The following GATB variants were observed in gnomAD, a reference collection of about 807,000 sequenced individuals.
GATB encodes the protein glutamyl-tRNA amidotransferase subunit B, also known as glutamyl-tRNA(Gln) amidotransferase subunit B, mitochondrial.
A neutral mutation model predicts 62.3 loss-of-function variants in GATB; 39 were observed. The ratio of observed to expected loss-of-function variants is 0.63; its 90% CI spans 0.48 to 0.82. The LOEUF is 0.82. Ranked by LOEUF, GATB falls within the 40% of genes least tolerant of loss-of-function variation. GATB has a pLI of 0.00. For synonymous variants in GATB, 276 were observed against 258.9 expected (o/e 1.07, Z -0.63); for missense variants, 670 against 684.0 (o/e 0.98, Z 0.23).
At chr4:151,715,936 A>C in intron 5 of GATB, 73 bp downstream of exon 5, 1 of 1,512,438 alleles carries the variant, frequency 6.6e-7, no homozygotes, top group Non-Finnish European at 8.9e-7. Flanking sequence ...ACAGAAAATA[A>C]AACTAAAGTC....
intron 2 of GATB, among the ~76,000 whole-genome samples, chr4:151,735,235 G>GAAAAAAAAAA (rs530781519): frequency 2.0e-5 from 2 of 98,828 alleles, no homozygotes; most frequent in African/African-American, 6.7e-5. Context: ...AAATCAGTAA[G>GAAAAAAAAAA]AAAAAAAAAA....
chr4:151,688,678 T>A lies in GATB; in HGVS notation c.1283A>T (p.Asn428Ile), dbSNP rs371343864. ...TTGCTTTAAATAGCCCAGAAAAGTG[T>A]TGAGGACCCAACTAGTCACCTTTTT... ...EPKKVTSWVL[N>I]TFLGYLKQQN... Residue 428 changes from asparagine to isoleucine, a missense_variant, in exon 10 of 13, where the codon AAC becomes ATC. Asn to Ile is a moderately radical substitution (Grantham distance 149, BLOSUM62 -3). Coordinates refer to ENST00000263985, the MANE Select transcript of GATB (RefSeq NM_004564.3). 4 of 1,613,346 alleles carry A rather than the reference T, an allele frequency of 2.5e-6. No homozygotes were observed. The South Asian group carries it at 3.3e-5, about 13-fold the overall frequency.
intron 12 of GATB, among the ~76,000 whole-genome samples, chr4:151,672,084 C>T (rs772943981): frequency 6.6e-6 from 1 of 152,130 alleles, no homozygotes; most frequent in Admixed American, 6.5e-5. Context: ...TGAGTGTCCC[C>T]GGCAAGCTGA....
intron 9 of GATB, among the ~76,000 whole-genome samples, chr4:151,694,604 G>A (rs940049286): frequency 1.2e-4 from 18 of 152,166 alleles, no homozygotes; most frequent in Non-Finnish European, 4.4e-5. Flanking sequence ...AAAATTGCAC[G>A]GAGCTGAAAT....
intron 2 of GATB, among the ~76,000 whole-genome samples, chr4:151,737,731 C>T (rs573645842): frequency 2.8e-4 from 42 of 152,290 alleles, no homozygotes; most frequent in African/African-American, 9.9e-4. Context: ...ACTTGGTGCC[C>T]TGCATCCCAG....
At chr4:151,723,188 C>T (rs745814796) in intron 2 of GATB, 29 of 152,124 alleles carry the variant, frequency 1.9e-4, no homozygotes, top group East Asian at 1.2e-3. Context: ...GGGTCAGCAG[C>T]GAGTATTTAT....
rs752505071 is a variant in GATB at position 151,672,763 on chromosome 4, A to G, written c.1544T>C (p.Val515Ala). Residue 515 changes from valine (V) to alanine (A), a missense_variant and splice_region_variant, in exon 12 of 13, where the codon GTG becomes GCG. By Grantham distance (64) the Val-to-Ala change is moderately conservative. Transcript: ENST00000263985. ...CHSVMEAHPQVVMDVKNRNPR... is the reference protein window; with the variant it reads ...CHSVMEAHPQAVMDVKNRNPR... Reference sequence around the variant, plus strand: ...CTCTCCCCTGCCCGAGATAGTCACCACTTGAGGATGGGCCTCCATCACAGA... The same window carrying G: ...CTCTCCCCTGCCCGAGATAGTCACCGCTTGAGGATGGGCCTCCATCACAGA... 6.2e-7 allele frequency: 1 copy of G among 1,613,952 alleles called. No individual in the cohort carries two copies. The highest frequency in any genetic ancestry group is 1.1e-5 in the South Asian group (1 of 91,042).
At chr4:151,720,163 G>T (rs1022701034) in intron 2 of GATB, 7 of 152,410 alleles carry the variant, frequency 4.6e-5, no homozygotes, top group Admixed American at 2.6e-4. Context: ...TGGTGCTCCA[G>T]TTCCCTCTGG....
Position 151,711,225 on chromosome 4 carries a change from T to A in GATB, c.764-3124A>T, listed in dbSNP as rs570789588. Among the ~76,000 whole-genome samples, 3 of 152,360 alleles carry A rather than the reference T, an allele frequency of 2.0e-5. No individual in the cohort carries two copies. In the South Asian group the frequency reaches 6.2e-4, roughly 32 times the overall value. On this transcript the variant is annotated intron_variant, in intron 5 of 12. Coordinates refer to ENST00000263985, the MANE Select transcript of GATB (RefSeq NM_004564.3). ...GCTTCTTAACTGGTCTCCTGGCTTC[T>A]ACTCTTACCCATCGGAAATCCACTT...
At chr4:151,697,528 T>C (rs1578906935) in intron 9 of GATB, among the ~76,000 whole-genome samples, 2 of 152,026 alleles carry the variant, frequency 1.3e-5, no homozygotes, top group South Asian at 2.1e-4. Context: ...TGTATATGAT[T>C]TGGGTGACGG....
At chr4:151,672,058 G>A (rs1435990901) in intron 12 of GATB, among the ~76,000 whole-genome samples, 1 of 152,202 alleles carries the variant, frequency 6.6e-6, no homozygotes, top group African/African-American at 2.4e-5. Flanking sequence ...CTTATCGAGA[G>A]CTCTTTACAG....
intron 9 of GATB, among the ~76,000 whole-genome samples, chr4:151,690,136 T>C (rs572966889): frequency 1.3e-5 from 2 of 152,328 alleles, no homozygotes; most frequent in African/African-American, 2.4e-5. Context: ...AAAAATGAGA[T>C]ACTGGAAAGA....
rs764630851 is a variant in GATB at position 151,672,742 on chromosome 4, C to G, written c.1545+20G>C. ...GTCCTGGGGCTGGCTCTGGCCCTCT[C>G]CCCTGCCCGAGATAGTCACCACTTG... On this transcript the variant is annotated intron_variant, in intron 12 of 12. Transcript: ENST00000263985. 1 of 1,612,170 alleles carries G rather than the reference C, an allele frequency of 6.2e-7. No individual in the cohort carries two copies. Among genetic ancestry groups the G allele is most frequent in the Non-Finnish European group, 8.5e-7 (1 of 1,178,932 alleles).
intron 2 of GATB, chr4:151,722,350 GT>G (rs1560856779): frequency 1.6e-6 from 1 of 621,538 alleles, no homozygotes; most frequent in Non-Finnish European, 2.8e-6. Context: ...CCCTTTTCAA[GT>G]TTGTCTTTCA....
chr4:151,719,360 C>G, intron 3 of GATB, 65 bp downstream of exon 3: 1 of 1,153,512 alleles, frequency 8.7e-7, no homozygotes, highest in Non-Finnish European at 1.3e-6. Flanking sequence ...TTGCTCCGAC[C>G]CCCCACAGCA....
chr4:151,681,009 G>C (rs1012319198), intron 10 of GATB, among the ~76,000 whole-genome samples: 2 of 152,220 alleles, frequency 1.3e-5, no homozygotes, highest in Non-Finnish European at 2.9e-5. Flanking sequence ...TAGCACATTA[G>C]TGTTACACTG....
At chr4:151,672,516 A>G (rs1737896295) in intron 12 of GATB, 1 of 458,198 alleles carries the variant, frequency 2.2e-6, no homozygotes, top group East Asian at 3.3e-5. Flanking sequence ...TTTAAACTAC[A>G]CCTCCATGGA....
At chr4:151,686,647 G>GCCCCC (rs1560843430) in intron 10 of GATB, among the ~76,000 whole-genome samples, 39 of 51,272 alleles carry the variant, frequency 7.6e-4, no homozygotes, top group African/African-American at 1.2e-3. Flanking sequence ...ACCAGTCCCC[G>GCCCCC]CCCCGCCCCC....
chr4:151,737,622 G>C (rs186147686), intron 2 of GATB, among the ~76,000 whole-genome samples: 1 of 152,180 alleles, frequency 6.6e-6, no homozygotes, highest in African/African-American at 2.4e-5. Context: ...GCACATCAGA[G>C]GTCTTCACAG....
Sources: gnomAD v4.1 joint callset for allele counts (sites outside exome capture counted in the v4.1 genomes callset) on GRCh38, gnomAD v4.1.1 for gene constraint, MANE v1.5 for transcripts, NCBI Gene and HGNC (gene_info 2026-07-23, HGNC 2026-07-21) for gene names.